Variants in PPFIA4 observed in about 807,000 individuals in gnomAD.
PPFIA4 encodes the protein liprin-alpha-4.
Under a neutral mutation model 145.7 loss-of-function variants are expected in PPFIA4, and 98 were observed. The ratio of observed to expected loss-of-function variants is 0.67; its 90% CI spans 0.57 to 0.80. PPFIA4 has a LOEUF of 0.80. Ranked by LOEUF, PPFIA4 falls within the 30% of genes least tolerant of loss-of-function variation. PPFIA4 has a pLI of 0.00. For missense variants in PPFIA4, 1,457 were observed against 1,632.7 expected, an observed-to-expected ratio of 0.89 and a Z score of 1.85; for synonymous variants, 628 against 649.6, an observed-to-expected ratio of 0.97 and a Z score of 0.51.
At chr1:203,035,692 G>C (rs553019601) in intron 1 of PPFIA4, 39 of 456,502 alleles carry the variant, frequency 8.5e-5, no homozygotes, top group Non-Finnish European at 1.6e-4. Flanking sequence ...CTGTTAGGCT[G>C]AGATGATAAT....
chr1:203,036,969 CAT>C (rs1462315412), intron 1 of PPFIA4, among the ~76,000 whole-genome samples: 6 of 152,192 alleles, frequency 3.9e-5, no homozygotes, highest in Admixed American at 3.9e-4. Flanking sequence ...TATGTGGCCA[CAT>C]GTGTATCTGT....
In PPFIA4 at chr1:203,068,756, A is replaced by G; in HGVS notation, c.3324+128A>G. On this transcript the variant is annotated intron_variant, in intron 27 of 29. Coordinates refer to ENST00000295706, the MANE Select transcript of PPFIA4 (RefSeq NM_001304331.2). The surrounding 1 kb of genome is among the most constrained non-coding windows in gnomAD (Gnocchi z 4.7). ...GGAGCTTTTCTAGGGCCTATGCCAGAGGGGATCGCAATGTCCTCAATTCTC... is the reference window on the plus strand; with the variant it reads ...GGAGCTTTTCTAGGGCCTATGCCAGGGGGGATCGCAATGTCCTCAATTCTC... 1 of 971,894 alleles carries G rather than the reference A, an allele frequency of 1.0e-6. No individual in the cohort carries two copies. The highest frequency in any genetic ancestry group is 1.4e-6 in the Non-Finnish European group (1 of 701,550). The allele number at this position is 971,894 out of a possible 1,614,324, so 60.2% of individuals were successfully genotyped here. A position where few individuals can be genotyped will look rare whatever the true frequency, so the allele number is the denominator to read the frequency against.
intron 1 of PPFIA4, among the ~76,000 whole-genome samples, chr1:203,029,742 G>C (rs903839691): frequency 6.6e-6 from 1 of 152,218 alleles, no homozygotes; most frequent in Non-Finnish European, 1.5e-5. Flanking sequence ...GGGGGCATTA[G>C]ATTCTGTGGG....
At position 203,048,492 on chromosome 1, in the gene PPFIA4, G is replaced by A. The variant is rs1478211967; in HGVS notation, c.1225-91G>A. ...CTGGAGAGAGTGGCTCCCAGAGGAT[G>A]AGAAGAGGACAGGGGAGGGAGTCAA... On this transcript the variant is annotated intron_variant, in intron 10 of 29. Transcript: ENST00000295706. This position sits in a 1 kb window ranked among gnomAD's most constrained non-coding sequence, Gnocchi z 5.8. 6 of 1,530,564 alleles carry A rather than the reference G, an allele frequency of 3.9e-6. No individual in the cohort carries two copies. The highest frequency in any genetic ancestry group is 5.3e-6 in the Non-Finnish European group (6 of 1,131,794). 94.8% of individuals were successfully genotyped at this position (1,530,564 alleles called of 1,614,324 possible).
In PPFIA4 at chr1:203,055,804, A is replaced by G. The variant is rs1458607401; in HGVS notation, c.2070+132A>G. The G allele has an allele frequency of 5.8e-6, 8 of 1,374,572 alleles. No homozygotes were observed. The highest frequency in any genetic ancestry group is 7.9e-6 in the Non-Finnish European group (8 of 1,007,040). 85.1% of individuals were successfully genotyped at this position (1,374,572 alleles called of 1,614,324 possible). ...TCCCATGGTGTGTGCAGACCCCGAC[A>G]TGTCAGGCCACCAGCCTGTCCTTCT... On this transcript the variant is annotated intron_variant, in intron 16 of 29. Transcript: ENST00000295706. This position sits in a 1 kb window ranked among gnomAD's most constrained non-coding sequence, Gnocchi z 4.8.
In PPFIA4 at chr1:203,051,813, C is replaced by T; in HGVS notation, c.1556C>T (p.Thr519Ile). 6.2e-7 allele frequency: 1 copy of T among 1,613,854 alleles called. No homozygotes were observed. Among genetic ancestry groups the T allele is most frequent in the South Asian group, 1.1e-5 (1 of 90,992 alleles). Residue 519 changes from threonine to isoleucine, a missense_variant, in exon 14 of 30, where the codon ACA (threonine) becomes ATA (isoleucine). Physicochemically the swap from Thr to Ile is moderately conservative, Grantham distance 89. This residue lies in a region of PPFIA4 where 848 missense variants were observed against 1,046.7 expected (regional missense o/e 0.81). Coordinates refer to ENST00000295706, the MANE Select transcript of PPFIA4 (RefSeq NM_001304331.2). ...SAADVRFSLG[T>I]TTHAPPGVHR... The stretch of plus-strand genomic sequence containing the variant: ...GCAGACGTGCGGTTCTCCCTGGGCA[C>T]AACCACACACGCACCCCCAGGCGTG...
At chr1:203,027,267 C>T (rs961719109) in intron 1 of PPFIA4, among the ~76,000 whole-genome samples, 5 of 152,152 alleles carry the variant, frequency 3.3e-5, no homozygotes, top group African/African-American at 1.2e-4. Context: ...AATAGAGATG[C>T]CTGAACTGGG....
chr1:203,031,545 G>A (rs925652175), intron 1 of PPFIA4, among the ~76,000 whole-genome samples: 2 of 152,138 alleles, frequency 1.3e-5, no homozygotes, highest in African/African-American at 4.8e-5. Context: ...CCTCCCTGCA[G>A]TTCTGTACTC....
intron 12 of PPFIA4, among the ~76,000 whole-genome samples, 192 bp from the exon 13 acceptor site, chr1:203,049,484 C>T (rs1327838908): frequency 6.6e-6 from 1 of 152,232 alleles, no homozygotes; most frequent in Non-Finnish European, 1.5e-5. Context: ...TCCACTCACT[C>T]TCTGGTTGGA....
In PPFIA4 at chr1:203,053,962, G is replaced by C; in HGVS notation, c.1829+1G>C. ...TGGATGCCATCAATGAGGAAATCAG[G>C]TTAGGGCAGGGCTGGAGGGCTTGGG... On this transcript the variant is annotated splice_donor_variant, in intron 15 of 29. Transcript: ENST00000295706. LOFTEE classifies it high-confidence loss of function. The C allele has an allele frequency of 1.3e-6, 2 of 1,560,330 alleles. No individual in the cohort carries two copies. The highest frequency in any genetic ancestry group is 8.7e-7 in the Non-Finnish European group (1 of 1,152,252).
Position 203,048,563 on chromosome 1 carries a change from C to A in PPFIA4, c.1225-20C>A, listed in dbSNP as rs924981091. 4 of 1,565,040 alleles carry A rather than the reference C, an allele frequency of 2.6e-6. No individual in the cohort carries two copies. In the Admixed American group the frequency reaches 7.6e-5, roughly 30 times the overall value. The stretch of plus-strand genomic sequence containing the variant: ...TCCTCCCTGGGAGGGCGGCCTGGTG[C>A]GAGGCAGACGGCTGTGCAGGTGCGC... On this transcript the variant is annotated intron_variant, in intron 10 of 29. Transcript: ENST00000295706. The surrounding 1 kb of genome is among the most constrained non-coding windows in gnomAD (Gnocchi z 5.8).
intron 14 of PPFIA4, among the ~76,000 whole-genome samples, chr1:203,053,401 C>T (rs1304619799): frequency 1.3e-5 from 2 of 152,080 alleles, no homozygotes; most frequent in East Asian, 1.9e-4. Flanking sequence ...GGCGTGGTGG[C>T]GTGCGCTTGT....
intron 28 of PPFIA4, 133 bp downstream of exon 28, chr1:203,071,893 G>T: frequency 1.3e-6 from 1 of 790,164 alleles, no homozygotes; most frequent in East Asian, 2.7e-5. Context: ...AGGGGATGGG[G>T]ATAATGTCAG....
intron 14 of PPFIA4, among the ~76,000 whole-genome samples, 174 bp downstream of exon 14, chr1:203,052,051 C>CCCA (rs1553257069): frequency 7.3e-6 from 1 of 136,796 alleles, no homozygotes; most frequent in Non-Finnish European, 1.6e-5. Context: ...CTGTGCCCCC[C>CCCA]CCCCCGCTTG....
intron 27 of PPFIA4, among the ~76,000 whole-genome samples, chr1:203,069,743 C>A: frequency 6.8e-6 from 1 of 148,030 alleles, no homozygotes; most frequent in African/African-American, 2.5e-5. Flanking sequence ...GTCCTGTAGG[C>A]ATTCTGCAGT....
At chr1:203,027,603 A>T (rs1658500918) in intron 1 of PPFIA4, among the ~76,000 whole-genome samples, 1 of 152,160 alleles carries the variant, frequency 6.6e-6, no homozygotes, top group African/African-American at 2.4e-5. Context: ...CCCCTCCAGG[A>T]GCCAGGTTTC....
In PPFIA4 at chr1:203,055,368, C is replaced by T. The variant is rs374228599; in HGVS notation, c.1830-64C>T. ...TTGGTGGCGAGTGCAGGCATCGACC[C>T]GCACTGCCTCCTGCTGGTCCTGGCT... On this transcript the variant is annotated intron_variant, in intron 15 of 29. Coordinates refer to ENST00000295706, the MANE Select transcript of PPFIA4 (RefSeq NM_001304331.2). The surrounding 1 kb of genome is among the most constrained non-coding windows in gnomAD (Gnocchi z 4.8). The T allele has an allele frequency of 2.7e-4, 434 of 1,599,708 alleles. 6 individuals are homozygous for T. In the East Asian group the frequency reaches 6.4e-3, roughly 24 times the overall value.
intron 9 of PPFIA4, among the ~76,000 whole-genome samples, chr1:203,046,953 C>G (rs1256096669): frequency 6.6e-6 from 1 of 152,140 alleles, no homozygotes; most frequent in South Asian, 2.1e-4. Context: ...GTAGTAATTC[C>G]TGAGAGGTGT....
At chr1:203,028,650 TGTGTGCACACGCGTGTGTGA>T (rs1183823378) in intron 1 of PPFIA4, among the ~76,000 whole-genome samples, 2 of 151,934 alleles carry the variant, frequency 1.3e-5, no homozygotes, top group Admixed American at 1.3e-4. Flanking sequence ...GGTGTGTGTG[TGTGTGCACACGCGTGTGTGA>T]GTGTGTGTGC....
Sources: allele counts gnomAD v4.1 joint callset (sites outside exome capture counted in the v4.1 genomes callset), GRCh38; gene constraint gnomAD v4.1.1; regional missense constraint gnomAD v4.1.1; non-coding constraint Gnocchi (gnomAD v3.1); transcripts MANE v1.5; gene names NCBI Gene and HGNC (gene_info 2026-07-23, HGNC 2026-07-21).